TTI1: variants seen among roughly 807,000 people sequenced by gnomAD.
TTI1 encodes TELO2-interacting protein 1 homolog.
In TTI1, 52 loss-of-function variants were observed where a neutral mutation model predicts 85.4. The observed-to-expected ratio is 0.61, with a 90% CI of 0.49 to 0.77. The LOEUF (loss-of-function observed/expected upper bound fraction) is 0.77. Among genes scored for constraint, TTI1 ranks in the 30% least tolerant of loss-of-function variants. The probability of loss-of-function intolerance (pLI) is 0.00; values close to 1 mark genes in which losing one functional copy is unlikely to be tolerated. For missense variants in TTI1, 1,173 were observed against 1,296.0 expected (o/e 0.91, Z 1.46); for synonymous variants, 512 against 503.9 (o/e 1.02, Z -0.22).
Position 38,029,568 on chromosome 20 carries a change from A to G in TTI1, c.-42+3836T>C, listed in dbSNP as rs193265325. Among the ~76,000 whole-genome samples, 456 of 149,232 alleles carry G rather than the reference A, an allele frequency of 3.1e-3. 1 individual carries two copies. Among genetic ancestry groups the G allele is most frequent in the Middle Eastern group, 0.014 (4 of 290 alleles). ...AAGATTGACAAGGGAGTGAGTGAGC[A>G]AGAGAGAGAGAGAGAGAGAGAGGAG... On this transcript the variant is annotated intron_variant, in intron 1 of 7. Coordinates refer to ENST00000373447, the MANE Select transcript of TTI1 (RefSeq NM_001303457.2).
chr20:38,013,406 G>A lies in TTI1; in HGVS notation c.411C>T (p.Asp137=). Residue 137 remains aspartate, a synonymous_variant, in exon 2 of 8, where the codon GAC becomes GAT. Coordinates refer to ENST00000373447, the MANE Select transcript of TTI1 (RefSeq NM_001303457.2). ...AGGGCTCATAAAAAGTCAGAATGAT[G>A]TCCCCATAAGCTGAGTGCATTAATG... The part of the protein sequence containing the change: ...LSTLMHSAYG[D]IILTFYEPSI... The A allele has an allele frequency of 6.2e-7, 1 of 1,614,022 alleles. No homozygotes were observed. Among genetic ancestry groups the A allele is most frequent in the Middle Eastern group, 1.6e-4 (1 of 6,062 alleles).
At chr20:37,996,190 T>C (rs1404987661) in intron 7 of TTI1, among the ~76,000 whole-genome samples, 185 bp downstream of exon 7, 1 of 152,160 alleles carries the variant, frequency 6.6e-6, no homozygotes, top group African/African-American at 2.4e-5. Flanking sequence ...GAGGAAAAGG[T>C]TACTGGCAAA....
At chr20:37,984,186 T>C (rs1344531508) in intron 7 of TTI1, among the ~76,000 whole-genome samples, 2 of 152,344 alleles carry the variant, frequency 1.3e-5, no homozygotes, top group East Asian at 1.9e-4. Flanking sequence ...CAGACACTCA[T>C]GGCTCCCGTG....
chr20:37,999,401 A>C (rs1415743521), intron 4 of TTI1, 73 bp from the exon 5 acceptor site: 8 of 1,322,732 alleles, frequency 6.0e-6, no homozygotes, highest in Non-Finnish European at 7.8e-6. Flanking sequence ...ACCATTTTCA[A>C]AGAATAACAT....
In TTI1 at chr20:37,996,463, C is replaced by T. The variant is rs753748379; in HGVS notation, c.2999-1G>A. The T allele has an allele frequency of 6.2e-7, 1 of 1,613,454 alleles. No individual in the cohort carries two copies. ...GCCACTTTATTCAGGTCACCCTCAC[C>T]TGCAGAAAAGAAAAACAAAACAAGC... is the stretch of plus-strand genomic sequence containing the variant. On this transcript the variant is annotated splice_acceptor_variant, in intron 6 of 7. Transcript: ENST00000373447. LOFTEE classifies it high-confidence loss of function.
Position 38,011,790 on chromosome 20 carries a change from A to G in TTI1, c.2027T>C (p.Met676Thr). ...GTAGCCACAAGCACGGCAAACGTCCATCATGGTGCTGGTAGCCACCTGACT... is the reference window on the plus strand; with the variant it reads ...GTAGCCACAAGCACGGCAAACGTCCGTCATGGTGCTGGTAGCCACCTGACT... ...LISQVATSTM[M>T]DVCRACGYDS... Residue 676 changes from methionine (M) to threonine (T), a missense_variant, in exon 2 of 8, where the codon ATG (methionine) becomes ACG (threonine). Physicochemically the swap from Met to Thr is moderately conservative, Grantham distance 81. Coordinates refer to ENST00000373447, the MANE Select transcript of TTI1 (RefSeq NM_001303457.2). 1 of 1,614,240 alleles carries G rather than the reference A, an allele frequency of 6.2e-7. No homozygotes were observed. Among genetic ancestry groups the G allele is most frequent in the Non-Finnish European group, 8.5e-7 (1 of 1,180,036 alleles).
At chr20:38,020,321 A>ATATATATATATATATATATATAT (rs1443587921) in intron 1 of TTI1, among the ~76,000 whole-genome samples, 21 of 42,668 alleles carry the variant, frequency 4.9e-4, no homozygotes, top group South Asian at 9.2e-4. Context: ...AAAAAAAAAA[A>ATATATATATATATATATATATAT]AAATATATAT....
At chr20:38,006,139 T>G in intron 3 of TTI1, 58 bp downstream of exon 3, 2 of 1,593,386 alleles carry the variant, frequency 1.3e-6, no homozygotes, top group Admixed American at 3.4e-5. Context: ...GTTTCACCAT[T>G]TTTACAATAA....
intron 7 of TTI1, 55 bp downstream of exon 7, chr20:37,996,320 A>G: frequency 1.9e-6 from 3 of 1,589,078 alleles, no homozygotes; most frequent in Non-Finnish European, 2.6e-6. Context: ...CCATTAGCAA[A>G]TCATCTGTAA....
chr20:38,005,200 C>T (rs905536640), intron 3 of TTI1, among the ~76,000 whole-genome samples: 7 of 152,126 alleles, frequency 4.6e-5, no homozygotes, highest in Admixed American at 6.5e-5. Flanking sequence ...GAAAAAGAAA[C>T]GTTTTATTCC....
Position 37,986,908 on chromosome 20 carries a change from A to G in TTI1, c.3087-3269T>C, listed in dbSNP as rs148732086. ...TTCTCCATACTGACTTGGTGGGGGT[A>G]TCCCAGTTCTCAGCCAATGATGTTC... On this transcript the variant is annotated intron_variant, in intron 7 of 7. Transcript: ENST00000373447. Among the ~76,000 whole-genome samples, 1,211 of 152,324 alleles carry G rather than the reference A, an allele frequency of 8.0e-3. 6 individuals carry two copies. Among genetic ancestry groups the G allele is most frequent in the African/African-American group, 0.023 (947 of 41,566 alleles).
intron 5 of TTI1, among the ~76,000 whole-genome samples, chr20:37,997,600 C>A (rs2073361277): frequency 6.6e-6 from 1 of 152,128 alleles, no homozygotes; most frequent in Non-Finnish European, 1.5e-5. Flanking sequence ...AAATGTTTTG[C>A]CCTGCTGCAC....
rs561341151 is a variant in TTI1 at position 37,990,810 on chromosome 20, G to A, written c.3086+5565C>T. 3.9e-5 allele frequency among the ~76,000 whole-genome samples: 6 copies of A among 152,234 alleles called. No homozygotes were observed. In the East Asian group the frequency reaches 9.6e-4, roughly 24 times the overall value. On this transcript the variant is annotated intron_variant, in intron 7 of 7. Coordinates refer to ENST00000373447, the MANE Select transcript of TTI1 (RefSeq NM_001303457.2). ...TCGAGAACATTCTGCTCCCAACCTGGCACGGCATGCACTGTGCACACACAC... is the reference window on the plus strand; with the variant it reads ...TCGAGAACATTCTGCTCCCAACCTGACACGGCATGCACTGTGCACACACAC...
chr20:37,992,678 G>C (rs780921662), intron 7 of TTI1, among the ~76,000 whole-genome samples: 17 of 152,206 alleles, frequency 1.1e-4, no homozygotes, highest in Non-Finnish European at 2.4e-4. Context: ...CACTGCAAAA[G>C]CCAGGGAGTC....
At chr20:38,027,380 T>C (rs756452938) in intron 1 of TTI1, among the ~76,000 whole-genome samples, 8 of 152,202 alleles carry the variant, frequency 5.3e-5, no homozygotes, top group Non-Finnish European at 1.0e-4. Context: ...TGTATTGTTA[T>C]CTTTTACTTT....
In TTI1 at chr20:38,011,846, C is replaced by T; in HGVS notation, c.1971G>A (p.Leu657=). ...GTAGGGTTTGGTCTCCAGCCTTCTC[C>T]AGTACTGGATAAAGGGCTGACATCA... ...LLLMSALYPV[L]EKAGDQTLLI... The change falls in exon 2 of 8, where the codon CTG becomes CTA. Residue 657 remains leucine, a synonymous_variant. Transcript: ENST00000373447. The T allele has an allele frequency of 6.2e-7, 1 of 1,614,210 alleles. No homozygotes were observed. Among genetic ancestry groups the T allele is most frequent in the Non-Finnish European group, 8.5e-7 (1 of 1,180,038 alleles).
At chr20:37,997,031 T>C (rs531165333) in intron 5 of TTI1, 78 bp from the exon 6 acceptor site, 27 of 1,488,516 alleles carry the variant, frequency 1.8e-5, no homozygotes, top group South Asian at 1.5e-4. Flanking sequence ...GGTAATTCGA[T>C]TTCATCTAGG....
Position 38,012,507 on chromosome 20 carries a change from T to TAGAG in TTI1, c.1309_1310insCTCT (p.Glu437AlafsTer7), listed in dbSNP as rs749144173. On this transcript the variant is annotated frameshift_variant, in exon 2 of 8. Transcript: ENST00000373447. LOFTEE classifies it high-confidence loss of function. ...AATCTTGATGTCAGCCACGTCTAGC[T>TAGAG]CTAGAACTTGGATGAGTGCTTTGGA... 1 of 1,614,178 alleles carries TAGAG rather than the reference T, an allele frequency of 6.2e-7. No individual in the cohort carries two copies. The highest frequency in any genetic ancestry group is 1.3e-5 in the African/African-American group (1 of 75,028).
In TTI1 at chr20:38,012,204, A is replaced by G. The variant is rs773485109; in HGVS notation, c.1613T>C (p.Val538Ala). The change falls in exon 2 of 8, where the codon GTT becomes GCT. Residue 538 changes from valine to alanine, a missense_variant. Coordinates refer to ENST00000373447, the MANE Select transcript of TTI1 (RefSeq NM_001303457.2). Reference protein sequence around the residue: ...ELVTGAAGLEVEDLHEKHIKT... With the variant: ...ELVTGAAGLEAEDLHEKHIKT... ...AATATGTTTTTCGTGAAGATCCTCAACCTCCAGCCCAGCAGCCCCTGTAAC... is the reference window on the plus strand; with the variant it reads ...AATATGTTTTTCGTGAAGATCCTCAGCCTCCAGCCCAGCAGCCCCTGTAAC... 3 of 1,614,096 alleles carry G rather than the reference A, an allele frequency of 1.9e-6. No individual in the cohort carries two copies. Among genetic ancestry groups the G allele is most frequent in the South Asian group, 2.2e-5 (2 of 91,074 alleles).
Sources: gnomAD v4.1 joint callset for allele counts (sites outside exome capture counted in the v4.1 genomes callset) on GRCh38, gnomAD v4.1.1 for gene constraint, MANE v1.5 for transcripts, NCBI Gene and HGNC (gene_info 2026-07-23, HGNC 2026-07-21) for gene names.